The following ADD1 variants were observed in gnomAD, a reference collection of about 807,000 sequenced individuals.
ADD1 encodes the protein alpha-adducin.
ADD1 carries 24 observed loss-of-function variants against 80.5 expected under a neutral mutation model. The ratio of observed to expected loss-of-function variants is 0.30; its 90% CI spans 0.22 to 0.42. The LOEUF is 0.42. Among genes scored for constraint, ADD1 ranks in the 10% least tolerant of loss-of-function variants. The pLI is 1.00. For synonymous variants in ADD1, 373 were observed against 393.8 expected, an observed-to-expected ratio of 0.95 and a Z score of 0.63; for missense variants, 948 against 1,019.0, an observed-to-expected ratio of 0.93 and a Z score of 0.95.
chr4:2,917,871 C>T (rs957253056), intron 14 of ADD1, among the ~76,000 whole-genome samples: 1 of 152,066 alleles, frequency 6.6e-6, no homozygotes, highest in Non-Finnish European at 1.5e-5. Context: ...TGTTCTGTTC[C>T]GTTGGTCTCT....
At position 2,884,581 on chromosome 4, in the gene ADD1, A is replaced by T. The variant is rs1339763824; in HGVS notation, c.425A>T (p.Glu142Val). ...GSDSIAYDKGEKLLRCKLAAF... is the reference protein window; with the variant it reads ...GSDSIAYDKGVKLLRCKLAAF... The stretch of plus-strand genomic sequence containing the variant: ...GATTCTATTGCGTATGACAAAGGAG[A>T]GAAGTTATTACGGTGTAAATTGGCA... Residue 142 changes from glutamate (E) to valine (V), a missense_variant, in exon 4 of 16, where the codon GAG becomes GTG. Coordinates refer to ENST00000683351, the MANE Select transcript of ADD1 (RefSeq NM_001354761.2). The T allele has an allele frequency of 6.2e-7, 1 of 1,613,468 alleles. No individual in the cohort carries two copies. The highest frequency in any genetic ancestry group is 2.2e-5 in the East Asian group (1 of 44,880).
At chr4:2,865,935 T>C (rs1456750270) in intron 1 of ADD1, among the ~76,000 whole-genome samples, 1 of 152,222 alleles carries the variant, frequency 6.6e-6, no homozygotes, top group African/African-American at 2.4e-5. Context: ...TTCCCACATG[T>C]AATTGTTCAG....
intron 14 of ADD1, among the ~76,000 whole-genome samples, chr4:2,915,472 C>T (rs1179655679): frequency 6.6e-6 from 1 of 152,228 alleles, no homozygotes; most frequent in East Asian, 1.9e-4. Flanking sequence ...AACGCCGTCT[C>T]TAGGAAAATA....
At chr4:2,890,172 C>A (rs4690005) in intron 4 of ADD1, among the ~76,000 whole-genome samples, 1 of 146,756 alleles carries the variant, frequency 6.8e-6, no homozygotes. Context: ...CCAGCCTGGG[C>A]GACAGAGTGA....
chr4:2,881,811 A>C (rs985447920), intron 2 of ADD1, 87 bp from the exon 3 acceptor site: 4 of 1,217,932 alleles, frequency 3.3e-6, no homozygotes, highest in Non-Finnish European at 4.4e-6. Context: ...TGAAAACAAA[A>C]ATTGGTCTAT....
chr4:2,908,070 C>T (rs1011429946), intron 11 of ADD1, among the ~76,000 whole-genome samples: 4 of 152,170 alleles, frequency 2.6e-5, no homozygotes, highest in South Asian at 2.1e-4. Context: ...TGTTTGCTCA[C>T]GATGTTTGCT....
intron 6 of ADD1, among the ~76,000 whole-genome samples, chr4:2,897,159 G>A (rs1309353086): frequency 6.6e-6 from 1 of 151,944 alleles, no homozygotes; most frequent in Non-Finnish European, 1.5e-5. Flanking sequence ...TGTCTTTTTA[G>A]GTTAACTTTT....
intron 13 of ADD1, among the ~76,000 whole-genome samples, chr4:2,913,175 C>A (rs1236779159): frequency 6.6e-6 from 1 of 152,188 alleles, no homozygotes; most frequent in Non-Finnish European, 1.5e-5. Context: ...TATTTGATTC[C>A]TTTACTAATT....
intron 2 of ADD1, among the ~76,000 whole-genome samples, chr4:2,878,589 G>A (rs1731729560): frequency 6.6e-6 from 1 of 152,168 alleles, no homozygotes; most frequent in South Asian, 2.1e-4. Flanking sequence ...GGGATGCAGA[G>A]ATAAGAGAGT....
intron 1 of ADD1, among the ~76,000 whole-genome samples, chr4:2,850,128 C>G (rs530670307): frequency 5.3e-5 from 8 of 152,252 alleles, no homozygotes; most frequent in African/African-American, 1.9e-4. Context: ...TAGTAGTTGG[C>G]AATAGAAAGG....
chr4:2,858,532 G>A (rs1287498842), intron 1 of ADD1, among the ~76,000 whole-genome samples: 1 of 152,240 alleles, frequency 6.6e-6, no homozygotes, highest in East Asian at 1.9e-4. Context: ...TGCAAGGCTG[G>A]TGGAATTTTG....
intron 4 of ADD1, among the ~76,000 whole-genome samples, chr4:2,885,445 C>T (rs188225764): frequency 3.1e-4 from 47 of 152,316 alleles, no homozygotes; most frequent in Non-Finnish European, 5.0e-4. Flanking sequence ...ATCTTTGAGA[C>T]TCCTGACCTC....
At chr4:2,904,688 C>G in intron 9 of ADD1, 76 bp from the exon 10 acceptor site, 3 of 1,365,338 alleles carry the variant, frequency 2.2e-6, no homozygotes, top group Non-Finnish European at 3.1e-6. Context: ...GTGGATGTTT[C>G]CACATGATTT....
intron 10 of ADD1, chr4:2,905,454 A>G (rs1265656201): frequency 3.7e-6 from 1 of 273,586 alleles, no homozygotes; most frequent in Non-Finnish European, 7.0e-6. Flanking sequence ...ATGCACAAAA[A>G]GACACTTCAG....
At chr4:2,872,696 A>G (rs1279615707) in intron 1 of ADD1, among the ~76,000 whole-genome samples, 1 of 152,088 alleles carries the variant, frequency 6.6e-6, no homozygotes, top group African/African-American at 2.4e-5. Context: ...AGCTGAGACT[A>G]CAGGCGTGTG....
chr4:2,918,132 ATACTGATTCTT>A (rs1323338115), intron 14 of ADD1, among the ~76,000 whole-genome samples: 1 of 152,204 alleles, frequency 6.6e-6, no homozygotes, highest in African/African-American at 2.4e-5. Context: ...CGTTTTCACA[ATACTGATTCTT>A]TGTATCCATG....
chr4:2,925,842 C>T (rs1290893739), intron 14 of ADD1, among the ~76,000 whole-genome samples, 172 bp from the exon 15 acceptor site: 3 of 152,228 alleles, frequency 2.0e-5, no homozygotes, highest in African/African-American at 4.8e-5. Context: ...TCAGTCAACA[C>T]CCAGGTCACA....
chr4:2,846,407 A>T lies in ADD1; in HGVS notation c.-21+2383A>T, dbSNP rs924500437. On this transcript the variant is annotated intron_variant, in intron 1 of 15. Coordinates refer to ENST00000683351, the MANE Select transcript of ADD1 (RefSeq NM_001354761.2). ...TTTACTTTTGTCAAGCAAACTTCTT[A>T]GGTAAGTAGGCAGAAATGATTAGTA... Among the ~76,000 whole-genome samples the T allele has an allele frequency of 3.9e-5, 6 of 152,238 alleles. No homozygotes were observed. The East Asian group carries it at 1.2e-3, about 29-fold the overall frequency.
In ADD1 at chr4:2,879,097, A is replaced by C. The variant is rs902740718; in HGVS notation, c.196-2801A>C. ...GAGGAGAGGAGGTCCGAAAGCTGAG[A>C]GGTATGAGGGTCCCAAACTGAGGGT... On this transcript the variant is annotated intron_variant, in intron 2 of 15. Transcript: ENST00000683351. 5.9e-5 allele frequency among the ~76,000 whole-genome samples: 9 copies of C among 152,212 alleles called. No homozygotes were observed. The East Asian group carries it at 1.7e-3, about 29-fold the overall frequency.
Sources: allele counts gnomAD v4.1 joint callset (sites outside exome capture counted in the v4.1 genomes callset), GRCh38; gene constraint gnomAD v4.1.1; transcripts MANE v1.5; gene names NCBI Gene and HGNC (gene_info 2026-07-23, HGNC 2026-07-21).